The following HCN1 variants were observed in gnomAD, a reference collection of about 807,000 sequenced individuals.
The protein encoded by HCN1 is hyperpolarization activated cyclic nucleotide gated potassium channel 1.
In HCN1, 13 loss-of-function variants were observed where a neutral mutation model predicts 78.9. That is an observed-to-expected ratio of 0.16 (90% confidence interval 0.11 to 0.26). The LOEUF is 0.26. Ranked by LOEUF, HCN1 falls within the 10% of genes least tolerant of loss-of-function variation. The probability of loss-of-function intolerance (pLI) is 1.00; values close to 1 mark genes in which losing one functional copy is unlikely to be tolerated. For missense variants in HCN1, 810 were observed against 1,154.3 expected (o/e 0.70, Z 4.32); for synonymous variants, 552 against 455.5 (o/e 1.21, Z -2.70).
chr5:45,644,973 T>A (rs190662345), intron 2 of HCN1: 8 of 548,032 alleles, frequency 1.5e-5, no homozygotes, highest in Admixed American at 3.5e-5. Context: ...CATAAAACGA[T>A]CACTATTTTT....
chr5:45,595,534 T>A (rs559004501), intron 2 of HCN1, among the ~76,000 whole-genome samples: 1 of 152,256 alleles, frequency 6.6e-6, no homozygotes, highest in East Asian at 1.9e-4. Flanking sequence ...AATTGTTTTG[T>A]CTCATTTTGC....
intron 2 of HCN1, among the ~76,000 whole-genome samples, chr5:45,511,960 T>A (rs1579941073): frequency 6.6e-6 from 1 of 152,210 alleles, no homozygotes; most frequent in African/African-American, 2.4e-5. Flanking sequence ...AAAAGTTTAC[T>A]TGAAAAGTTA....
chr5:45,496,268 A>C (rs1742026902), intron 2 of HCN1, among the ~76,000 whole-genome samples: 1 of 148,250 alleles, frequency 6.7e-6, no homozygotes, highest in Non-Finnish European at 1.5e-5. Flanking sequence ...GATTATTGCC[A>C]CAATTTCAGA....
At chr5:45,332,330 C>T (rs1207389807) in intron 5 of HCN1, among the ~76,000 whole-genome samples, 1 of 151,466 alleles carries the variant, frequency 6.6e-6, no homozygotes, top group African/African-American at 2.4e-5. Context: ...CTTCATGTTA[C>T]AAACAATCCA....
intron 2 of HCN1, among the ~76,000 whole-genome samples, chr5:45,578,718 G>A (rs1561207692): frequency 6.6e-6 from 1 of 151,182 alleles, no homozygotes; most frequent in East Asian, 1.9e-4. Flanking sequence ...TTTTACAGAT[G>A]AAAAAAAATG....
chr5:45,511,349 C>T (rs1346917835), intron 2 of HCN1, among the ~76,000 whole-genome samples: 2 of 151,916 alleles, frequency 1.3e-5, no homozygotes, highest in Non-Finnish European at 2.9e-5. Flanking sequence ...AGTAAACTTC[C>T]AACCCATTAA....
rs549727163 is a variant in HCN1 at position 45,417,479 on chromosome 5, A to G, written c.1012-20769T>C. Among the ~76,000 whole-genome samples, 20 of 152,016 alleles carry G rather than the reference A, an allele frequency of 1.3e-4. 1 individual carries two copies. Among genetic ancestry groups the G allele is most frequent in the African/African-American group, 4.8e-4 (20 of 41,540 alleles). ...CTGTTTTGTCATAGCTATTACAGGG[A>G]AAGTGATAGTGATATATCCAGTTTC... On this transcript the variant is annotated intron_variant, in intron 3 of 7. Coordinates refer to ENST00000303230, the MANE Select transcript of HCN1 (RefSeq NM_021072.4).
chr5:45,513,041 A>G (rs1273548471), intron 2 of HCN1, among the ~76,000 whole-genome samples: 7 of 152,142 alleles, frequency 4.6e-5, no homozygotes, highest in African/African-American at 7.2e-5. Flanking sequence ...GGAGACATAA[A>G]AACACAACAT....
intron 2 of HCN1, among the ~76,000 whole-genome samples, chr5:45,500,726 G>T (rs1282940271): frequency 6.6e-6 from 1 of 152,092 alleles, no homozygotes; most frequent in Non-Finnish European, 1.5e-5. Context: ...CACACAAAAA[G>T]TTTTAAAATT....
intron 1 of HCN1, among the ~76,000 whole-genome samples, chr5:45,671,321 T>C (rs1746145396): frequency 1.3e-5 from 2 of 151,462 alleles, no homozygotes; most frequent in Non-Finnish European, 3.0e-5. Flanking sequence ...CTCTGTCCTA[T>C]TAACCCTAAT....
intron 4 of HCN1, among the ~76,000 whole-genome samples, chr5:45,353,603 T>C (rs1746954300): frequency 6.6e-6 from 1 of 151,950 alleles, no homozygotes. Flanking sequence ...AGTATGAAAT[T>C]GTTTGGCTGT....
chr5:45,353,394 G>A (rs1223259864), intron 4 of HCN1, 148 bp from the exon 5 acceptor site: 2 of 631,772 alleles, frequency 3.2e-6, no homozygotes, highest in African/African-American at 1.8e-5. Context: ...TAATTTACCT[G>A]GGTCTAATGT....
chr5:45,571,416 C>T (rs937970032), intron 2 of HCN1, among the ~76,000 whole-genome samples: 1 of 152,016 alleles, frequency 6.6e-6, no homozygotes, highest in Non-Finnish European at 1.5e-5. Flanking sequence ...TATCTGGACA[C>T]GCAAACTGGA....
At chr5:45,334,597 A>G (rs1020935019) in intron 5 of HCN1, among the ~76,000 whole-genome samples, 1 of 151,896 alleles carries the variant, frequency 6.6e-6, no homozygotes, top group African/African-American at 2.4e-5. Flanking sequence ...AGACTGAAAA[A>G]TCACATCTTA....
chr5:45,635,928 T>G (rs1745350427), intron 2 of HCN1, among the ~76,000 whole-genome samples: 1 of 152,200 alleles, frequency 6.6e-6, no homozygotes, highest in African/African-American at 2.4e-5. Flanking sequence ...TAATCTTGTT[T>G]TCCAAATTTT....
chr5:45,312,352 T>C (rs1335605568), intron 5 of HCN1, among the ~76,000 whole-genome samples: 1 of 152,214 alleles, frequency 6.6e-6, no homozygotes, highest in East Asian at 1.9e-4. Flanking sequence ...ACACGATGTC[T>C]ATTTATTTTA....
chr5:45,484,012 T>C (rs1741710379), intron 2 of HCN1, among the ~76,000 whole-genome samples: 1 of 152,206 alleles, frequency 6.6e-6, no homozygotes, highest in Non-Finnish European at 1.5e-5. Flanking sequence ...ACTCATTTGG[T>C]TATTGTGGCT....
intron 1 of HCN1, among the ~76,000 whole-genome samples, chr5:45,668,784 T>C (rs1481800234): frequency 6.6e-6 from 1 of 151,940 alleles, no homozygotes; most frequent in Admixed American, 6.6e-5. Context: ...TCCACTTTGC[T>C]ATTTTCCAAA....
At chr5:45,334,201 AGTTATTTATTCTCT>A (rs1746405181) in intron 5 of HCN1, among the ~76,000 whole-genome samples, 1 of 151,866 alleles carries the variant, frequency 6.6e-6, no homozygotes, top group African/African-American at 2.4e-5. Context: ...TAGAAGAAAA[AGTTATTTATTCTCT>A]AGTTTATTTT....
Sources: allele counts gnomAD v4.1 joint callset (sites outside exome capture counted in the v4.1 genomes callset), GRCh38; gene constraint gnomAD v4.1.1; transcripts MANE v1.5; gene names NCBI Gene and HGNC (gene_info 2026-07-23, HGNC 2026-07-21).